The following UCK2 variants were observed in gnomAD, a reference collection of about 807,000 sequenced individuals.
The protein encoded by UCK2 is uridine-cytidine kinase 2.
A neutral mutation model predicts 30.8 loss-of-function variants in UCK2; 6 were observed. The ratio of observed to expected loss-of-function variants is 0.19; its 90% CI spans 0.11 to 0.38. The LOEUF is 0.38. UCK2 is among the 10% of genes least tolerant of loss of function. The pLI is 1.00. For missense variants in UCK2, 210 were observed against 339.8 expected (o/e 0.62, Z 3.00); for synonymous variants, 125 against 133.6 (o/e 0.94, Z 0.45).
chr1:165,855,271 T>A (rs541247509), intron 1 of UCK2, among the ~76,000 whole-genome samples: 2 of 152,302 alleles, frequency 1.3e-5, no homozygotes, highest in Non-Finnish European at 2.9e-5. Flanking sequence ...TATTAGGCTT[T>A]CTTAATTCAT....
intron 1 of UCK2, among the ~76,000 whole-genome samples, chr1:165,847,813 A>T (rs1654489179): frequency 6.6e-6 from 1 of 152,046 alleles, no homozygotes; most frequent in Non-Finnish European, 1.5e-5. Flanking sequence ...TTGTTTTTTG[A>T]GACTGAGTCT....
In UCK2 at chr1:165,907,750, C is replaced by A; in HGVS notation, c.713C>A (p.Thr238Asn). 2.5e-6 allele frequency: 4 copies of A among 1,614,184 alleles called. No individual in the cohort carries two copies. The highest frequency in any genetic ancestry group is 1.1e-5 in the South Asian group (1 of 91,084). ...AATGGAGGGCCCTCCAAACGGCAGA[C>A]CAATGGCTGTCTCAACGGCTACACC... Reference protein sequence around the residue: ...ILNGGPSKRQTNGCLNGYTPS... With the variant: ...ILNGGPSKRQNNGCLNGYTPS... The change falls in exon 7 of 7, where the codon ACC (threonine) becomes AAC (asparagine). Residue 238 changes from threonine to asparagine, a missense_variant. Physicochemically the swap from Thr to Asn is moderately conservative, Grantham distance 65 (BLOSUM62 0). This residue lies in a region of UCK2 where 38 missense variants were observed against 45.4 expected (regional missense o/e 0.84). Coordinates refer to ENST00000367879, the MANE Select transcript of UCK2 (RefSeq NM_012474.5).
At chr1:165,900,436 G>C (rs1362143006) in intron 4 of UCK2, 3 of 152,240 alleles carry the variant, frequency 2.0e-5, no homozygotes, top group Admixed American at 2.0e-4. Context: ...ACTTGTCGAA[G>C]TTCACAGAGG....
At chr1:165,869,331 G>A (rs1655132752) in intron 1 of UCK2, among the ~76,000 whole-genome samples, 1 of 151,812 alleles carries the variant, frequency 6.6e-6, no homozygotes, top group South Asian at 2.1e-4. Flanking sequence ...ACACAGTGTT[G>A]CCACAAACCT....
intron 1 of UCK2, among the ~76,000 whole-genome samples, chr1:165,884,918 AC>A (rs1655582507): frequency 6.6e-6 from 1 of 152,158 alleles, no homozygotes; most frequent in Admixed American, 6.5e-5. Context: ...TGTCTAGTGG[AC>A]CCTGGCTCCT....
intron 1 of UCK2, among the ~76,000 whole-genome samples, chr1:165,859,106 A>C (rs1181249751): frequency 6.6e-6 from 1 of 152,192 alleles, no homozygotes; most frequent in Non-Finnish European, 1.5e-5. Context: ...CAGGGAATGG[A>C]GGACTGTAAT....
At chr1:165,882,040 T>C (rs559269316) in intron 1 of UCK2, among the ~76,000 whole-genome samples, 1 of 152,212 alleles carries the variant, frequency 6.6e-6, no homozygotes, top group South Asian at 2.1e-4. Context: ...CATCTTCTAC[T>C]GTTAATAGCC....
chr1:165,897,682 T>C (rs1647319280), intron 4 of UCK2, among the ~76,000 whole-genome samples: 1 of 152,208 alleles, frequency 6.6e-6, no homozygotes, highest in South Asian at 2.1e-4. Flanking sequence ...ATCTGTAGTT[T>C]ATCCCATTTA....
intron 1 of UCK2, among the ~76,000 whole-genome samples, chr1:165,874,946 A>C (rs912322776): frequency 6.6e-6 from 1 of 151,970 alleles, no homozygotes; most frequent in Non-Finnish European, 1.5e-5. Flanking sequence ...AGTGTGGTTT[A>C]ATAGTATGAT....
chr1:165,870,332 G>C (rs1379722575), intron 1 of UCK2, among the ~76,000 whole-genome samples: 2 of 149,140 alleles, frequency 1.3e-5, no homozygotes, highest in Non-Finnish European at 3.0e-5. Context: ...TGGCTACAGG[G>C]TTCTCATTTG....
intron 1 of UCK2, among the ~76,000 whole-genome samples, chr1:165,841,434 A>AGC (rs2101852332): frequency 6.6e-6 from 1 of 152,098 alleles, no homozygotes; most frequent in Admixed American, 6.5e-5. Context: ...TCCACCCCCA[A>AGC]TCAGCCTCCC....
chr1:165,862,916 C>T (rs1654954913), intron 1 of UCK2, among the ~76,000 whole-genome samples: 2 of 152,182 alleles, frequency 1.3e-5, no homozygotes, highest in Admixed American at 6.5e-5. Context: ...AATAATAGGA[C>T]TTCCCTGTGT....
rs77028203 is a variant in UCK2 at position 165,888,973 on chromosome 1, G to C, written c.100-1231G>C. Among the ~76,000 whole-genome samples the C allele has an allele frequency of 8.7e-3, 1,321 of 152,200 alleles. 32 individuals carry two copies. The highest frequency in any genetic ancestry group is 0.05 in the Admixed American group (771 of 15,300). On this transcript the variant is annotated intron_variant, in intron 1 of 6. Transcript: ENST00000367879. ...ATGTTCCTTTTACGAAGAGTATATT[G>C]AAGGGAAAAAGGGGCAGACACATGT...
chr1:165,844,674 G>A (rs1161621501), intron 1 of UCK2, among the ~76,000 whole-genome samples: 6 of 152,228 alleles, frequency 3.9e-5, no homozygotes, highest in African/African-American at 7.2e-5. Context: ...GACCTCTGGG[G>A]AGGTGAGAGG....
intron 1 of UCK2, among the ~76,000 whole-genome samples, chr1:165,862,383 T>C (rs1654935474): frequency 6.6e-6 from 1 of 152,122 alleles, no homozygotes; most frequent in South Asian, 2.1e-4. Flanking sequence ...TGGCCCACGC[T>C]TGATGTAGGC....
At chr1:165,896,071 T>C (rs1452853919) in intron 3 of UCK2, 119 bp from the exon 4 acceptor site, 1 of 1,322,640 alleles carries the variant, frequency 7.6e-7, no homozygotes, top group African/African-American at 1.5e-5. Flanking sequence ...TAGCCCCCGC[T>C]TGAAGTCTGT....
intron 1 of UCK2, among the ~76,000 whole-genome samples, chr1:165,880,562 TGGGGGTGTG>T (rs1234147020): frequency 2.6e-5 from 3 of 115,812 alleles, no homozygotes; most frequent in African/African-American, 1.0e-4. Flanking sequence ...CAGTTTTTTT[TGGGGGTGTG>T]TGTGTGTGTG....
intron 1 of UCK2, among the ~76,000 whole-genome samples, chr1:165,859,912 C>A (rs1248345103): frequency 1.3e-5 from 2 of 152,176 alleles, no homozygotes; most frequent in African/African-American, 4.8e-5. Flanking sequence ...CCTTGTCCAC[C>A]CTGCTTTGCC....
chr1:165,891,504 G>A, intron 3 of UCK2, 182 bp downstream of exon 3: 1 of 592,470 alleles, frequency 1.7e-6, no homozygotes, highest in South Asian at 2.0e-5. Context: ...GATTGTAGAG[G>A]TTGGGGAGTT....
Sources: allele counts gnomAD v4.1 joint callset (sites outside exome capture counted in the v4.1 genomes callset), GRCh38; gene constraint gnomAD v4.1.1; regional missense constraint gnomAD v4.1.1; transcripts MANE v1.5; gene names NCBI Gene and HGNC (gene_info 2026-07-23, HGNC 2026-07-21).